Variants in POLN observed in about 807,000 individuals in gnomAD.
POLN encodes the protein DNA polymerase nu.
In POLN, 108 loss-of-function variants were observed where a neutral mutation model predicts 113.5. That is an observed-to-expected ratio of 0.95 (90% confidence interval 0.81 to 1.12). The LOEUF is 1.12. Among genes scored for constraint, POLN ranks in the 50% most tolerant of loss-of-function variants. POLN has a pLI of 0.00. For missense variants in POLN, 1,097 were observed against 1,077.1 expected (o/e 1.02, Z -0.26); for synonymous variants, 386 against 391.5 (o/e 0.99, Z 0.17).
intron 2 of POLN, chr4:2,231,860 T>C: frequency 1.4e-6 from 1 of 709,770 alleles, no homozygotes; most frequent in Non-Finnish European, 2.4e-6. Context: ...TTTAGTAGTG[T>C]TTATTATACA....
chr4:2,184,024 T>C (rs1376538357), intron 7 of POLN, among the ~76,000 whole-genome samples: 1 of 152,014 alleles, frequency 6.6e-6, no homozygotes, highest in Non-Finnish European at 1.5e-5. Flanking sequence ...CGGCTAATTT[T>C]CATATTTTTA....
intron 19 of POLN, among the ~76,000 whole-genome samples, chr4:2,123,624 CA>C (rs771462226): frequency 0.075 from 4,147 of 54,986 alleles, 129 homozygotes; most frequent in African/African-American, 0.24. Flanking sequence ...GACCCTGTCT[CA>C]AAAAAAAAAA....
chr4:2,180,132 C>A (rs1733098705), intron 7 of POLN, among the ~76,000 whole-genome samples: 2 of 152,196 alleles, frequency 1.3e-5, no homozygotes, highest in African/African-American at 4.8e-5. Context: ...TGGGAGGCCA[C>A]CTCGCCCCTT....
chr4:2,229,343 T>C, intron 2 of POLN, 100 bp from the exon 3 acceptor site: 1 of 979,688 alleles, frequency 1.0e-6, no homozygotes, highest in Non-Finnish European at 1.4e-6. Context: ...CCAACTTTCA[T>C]TTAAAATGTC....
rs569876649 is a variant in POLN at position 2,215,490 on chromosome 4, G to A, written c.134-2364C>T. Among the ~76,000 whole-genome samples, 51 of 152,300 alleles carry A rather than the reference G, an allele frequency of 3.3e-4. No individual in the cohort carries two copies. In the Middle Eastern group the frequency reaches 0.01, roughly 30 times the overall value. The stretch of plus-strand genomic sequence containing the variant: ...CAAAGGCCTGCCCTGAGCTGAGCAT[G>A]GTCCTACAGATGTGTCTCCCAATGG... On this transcript the variant is annotated intron_variant, in intron 3 of 25. Transcript: ENST00000511885.
In POLN at chr4:2,147,643, C is replaced by CTTTTTTTTTTTTTTTTTT. The variant is rs747184067; in HGVS notation, c.1731+9144_1731+9145insAAAAAAAAAAAAAAAAAA. On this transcript the variant is annotated intron_variant, in intron 16 of 25. Coordinates refer to ENST00000511885, the MANE Select transcript of POLN (RefSeq NM_181808.4). ...AGATCAGACATCCAGTTTTTCTTTT[C>CTTTTTTTTTTTTTTTTTT]TTTTTTTTTTTTTTTTGAGACAAAG... Among the ~76,000 whole-genome samples, 26 of 79,352 alleles carry CTTTTTTTTTTTTTTTTTT rather than the reference C, an allele frequency of 3.3e-4. 1 individual carries two copies. The highest frequency in any genetic ancestry group is 5.2e-4 in the Admixed American group (3 of 5,760). The allele number at this position is 79,352 out of a possible 152,430, so 52.1% of individuals were successfully genotyped here. A position where few individuals can be genotyped will look rare whatever the true frequency, so the allele number is the denominator to read the frequency against.
intron 16 of POLN, among the ~76,000 whole-genome samples, chr4:2,148,091 ATACAG>A (rs1276439526): frequency 7.2e-5 from 11 of 152,330 alleles, no homozygotes; most frequent in Non-Finnish European, 1.6e-4. Flanking sequence ...GGATGTTATA[ATACAG>A]TATAACGAGC....
At chr4:2,114,062 C>A (rs1731261637) in intron 19 of POLN, among the ~76,000 whole-genome samples, 1 of 151,434 alleles carries the variant, frequency 6.6e-6, no homozygotes, top group Non-Finnish European at 1.5e-5. Context: ...TCATGCTCAG[C>A]TAATTTTTGT....
Position 2,198,566 on chromosome 4 carries a change from G to A in POLN, c.866C>T (p.Ala289Val). ...PCIYIQIEHS[A>V]IWDQEQEAHQ... is the part of the protein sequence containing the mutation. ...TGCCTCCTGTTCTTGGTCCCAGATA[G>A]CAGAGTGCTCTATTTGAATGTAGAT... Residue 289 changes from alanine to valine, a missense_variant, in exon 6 of 26, where the codon GCT becomes GTT. Coordinates refer to ENST00000511885, the MANE Select transcript of POLN (RefSeq NM_181808.4). 1.2e-6 allele frequency: 2 copies of A among 1,613,260 alleles called. No homozygotes were observed. The highest frequency in any genetic ancestry group is 1.7e-6 in the Non-Finnish European group (2 of 1,179,668).
intron 3 of POLN, among the ~76,000 whole-genome samples, chr4:2,222,921 G>A (rs1290315409): frequency 6.6e-6 from 1 of 152,140 alleles, no homozygotes; most frequent in African/African-American, 2.4e-5. Flanking sequence ...ATCAGTGCCA[G>A]CTTACCTGCG....
At chr4:2,101,739 C>G (rs995757738) in intron 19 of POLN, among the ~76,000 whole-genome samples, 5 of 152,240 alleles carry the variant, frequency 3.3e-5, no homozygotes, top group African/African-American at 1.2e-4. Context: ...GCTTGTGGAA[C>G]AAGGGTGTGA....
intron 19 of POLN, among the ~76,000 whole-genome samples, chr4:2,096,529 C>G (rs556282019): frequency 6.6e-6 from 1 of 152,248 alleles, no homozygotes; most frequent in African/African-American, 2.4e-5. Flanking sequence ...CCCAGCACCA[C>G]CAAGAGTCCC....
intron 6 of POLN, among the ~76,000 whole-genome samples, chr4:2,196,372 GAA>G (rs1733573220): frequency 6.6e-6 from 1 of 152,146 alleles, no homozygotes. Context: ...CCAGTTTACA[GAA>G]AATATGGAGA....
chr4:2,161,398 G>A (rs1372823837), intron 13 of POLN, among the ~76,000 whole-genome samples: 2 of 152,372 alleles, frequency 1.3e-5, no homozygotes, highest in South Asian at 2.1e-4. Flanking sequence ...GGGCAATGAG[G>A]GGCTTAGCAC....
intron 3 of POLN, among the ~76,000 whole-genome samples, chr4:2,219,356 C>G (rs1553801998): frequency 6.6e-6 from 1 of 152,160 alleles, no homozygotes; most frequent in Non-Finnish European, 1.5e-5. Context: ...GGCGGAAAGA[C>G]AGGAAAAATA....
intron 2 of POLN, chr4:2,240,193 G>C: frequency 2.5e-6 from 4 of 1,614,006 alleles, no homozygotes; most frequent in South Asian, 1.1e-5. Context: ...AGGATTTCTT[G>C]ATTATCACAA....
In POLN at chr4:2,159,155, C is replaced by T; in HGVS notation, c.1611G>A (p.Gln537=). 1.9e-6 allele frequency: 3 copies of T among 1,603,066 alleles called. No individual in the cohort carries two copies. Among genetic ancestry groups the T allele is most frequent in the Non-Finnish European group, 2.6e-6 (3 of 1,170,438 alleles). ...PLPKIILEYR[Q]VHKIKSTFVD... ...TTTACGTACAAAAAAATTAACTTACCTGCCTGTATTCCAAAATTATCTTGG... is the reference window on the plus strand; with the variant it reads ...TTTACGTACAAAAAAATTAACTTACTTGCCTGTATTCCAAAATTATCTTGG... The change falls in exon 14 of 26, where the codon CAG becomes CAA. Residue 537 remains glutamine (Q), a splice_region_variant and synonymous_variant. Transcript: ENST00000511885.
At chr4:2,146,673 G>A (rs533322336) in intron 16 of POLN, among the ~76,000 whole-genome samples, 1 of 152,280 alleles carries the variant, frequency 6.6e-6, no homozygotes, top group South Asian at 2.1e-4. Context: ...GCTGAACAAG[G>A]CTTTTGAGGA....
chr4:2,165,419 T>TGGGA lies in POLN; in HGVS notation c.1554+5256_1554+5259dup, dbSNP rs1366221534. ...AAGCACAGTGGCTGTCAGGGGCTGG[T>TGGGA]GGGAGGGAGGGAGGAATAGGCAGAG... On this transcript the variant is annotated intron_variant, in intron 13 of 25. Coordinates refer to ENST00000511885, the MANE Select transcript of POLN (RefSeq NM_181808.4). 2.0e-5 allele frequency among the ~76,000 whole-genome samples: 3 copies of TGGGA among 152,058 alleles called. No individual in the cohort carries two copies. The South Asian group carries it at 6.2e-4, about 32-fold the overall frequency.
Sources: allele counts gnomAD v4.1 joint callset (sites outside exome capture counted in the v4.1 genomes callset), GRCh38; gene constraint gnomAD v4.1.1; transcripts MANE v1.5; gene names NCBI Gene and HGNC (gene_info 2026-07-23, HGNC 2026-07-21).